Variants in LPIN1 observed in about 807,000 individuals in gnomAD.
LPIN1 encodes the protein lipin 1, also known as phosphatidate phosphatase LPIN1.
A neutral mutation model predicts 107.5 loss-of-function variants in LPIN1; 71 were observed. That is an observed-to-expected ratio of 0.66 (90% CI 0.55 to 0.80). The LOEUF is 0.80. Ranked by LOEUF, LPIN1 falls within the 30% of genes least tolerant of loss-of-function variation. The pLI is 0.00. For missense variants in LPIN1, 1,043 were observed against 1,160.6 expected, an observed-to-expected ratio of 0.90 and a Z score of 1.47; for synonymous variants, 445 against 452.6, an observed-to-expected ratio of 0.98 and a Z score of 0.21.
chr2:11,777,720 G>A (rs751873673), intron 6 of LPIN1, among the ~76,000 whole-genome samples: 1 of 152,192 alleles, frequency 6.6e-6, no homozygotes, highest in Non-Finnish European at 1.5e-5. Context: ...AATGTTTGCC[G>A]ACCCCTGTTC....
chr2:11,677,999 T>C (rs1056727202), intron 1 of LPIN1, among the ~76,000 whole-genome samples: 2 of 152,242 alleles, frequency 1.3e-5, no homozygotes, highest in Non-Finnish European at 2.9e-5. Flanking sequence ...GGAAAATGCA[T>C]AGTGATTGCT....
chr2:11,713,890 T>C (rs1180909385), intron 2 of LPIN1: 9 of 1,032,444 alleles, frequency 8.7e-6, no homozygotes, highest in Admixed American at 2.1e-5. Flanking sequence ...TGTCCAGCTG[T>C]GGTTTGTCGC....
At chr2:11,784,632 AGCTT>A (rs1674177353) in intron 9 of LPIN1, 1 of 565,970 alleles carries the variant, frequency 1.8e-6, no homozygotes, top group South Asian at 2.0e-5. Flanking sequence ...CAGGGAGGAC[AGCTT>A]GCTTCTTCTT....
chr2:11,784,395 C>T (rs568357980), intron 9 of LPIN1: 566 of 1,116,302 alleles, frequency 5.1e-4, no homozygotes, highest in Admixed American at 1.6e-3. Flanking sequence ...CATAAGGGTG[C>T]GGGTACTGGG....
At position 11,760,806 on chromosome 2, in the gene LPIN1, G is replaced by A. The variant is rs1446722625; in HGVS notation, c.-9-4727G>A. 2.6e-5 allele frequency among the ~76,000 whole-genome samples: 4 copies of A among 152,306 alleles called. No individual in the cohort carries two copies. The East Asian group carries it at 7.7e-4, about 29-fold the overall frequency. ...AAAATACCAACAGTAGTTCGTAGAT[G>A]TGCTGGCCTGGGGTTGGGGCCTCAC... On this transcript the variant is annotated intron_variant, in intron 1 of 20. Coordinates refer to ENST00000674199, the MANE Select transcript of LPIN1 (RefSeq NM_001349206.2).
At chr2:11,759,489 C>A (rs867307835) in intron 1 of LPIN1, among the ~76,000 whole-genome samples, 1 of 152,058 alleles carries the variant, frequency 6.6e-6, no homozygotes, top group African/African-American at 2.4e-5. Flanking sequence ...CATGGAGCAC[C>A]GGGTTGGGGG....
intron 1 of LPIN1, among the ~76,000 whole-genome samples, chr2:11,753,004 TTGCGGTCGTGAATGC>T (rs1322322363): frequency 6.6e-6 from 1 of 152,182 alleles, no homozygotes; most frequent in Non-Finnish European, 1.5e-5. Flanking sequence ...CTGTATGAAA[TTGCGGTCGTGAATGC>T]TTTGGAGCGT....
chr2:11,720,073 A>C (rs1664022345), upstream of LPIN1, among the ~76,000 whole-genome samples: 1 of 151,944 alleles, frequency 6.6e-6, no homozygotes, highest in Non-Finnish European at 1.5e-5. Context: ...TTATATATTT[A>C]CTAGCTCTTG....
Position 11,761,795 on chromosome 2 carries a change from C to T in LPIN1, c.-9-3738C>T, listed in dbSNP as rs75810465. ...TTAACTTGAAAGACCAAGGCTTTAT[C>T]CTTGGCCTTAAGAATGTAGCTTATA... On this transcript the variant is annotated intron_variant, in intron 1 of 20. Coordinates refer to ENST00000674199, the MANE Select transcript of LPIN1 (RefSeq NM_001349206.2). Among the ~76,000 whole-genome samples the T allele has an allele frequency of 2.3e-3, 354 of 152,220 alleles. 1 individual carries two copies. Among genetic ancestry groups the T allele is most frequent in the African/African-American group, 8.2e-3 (342 of 41,514 alleles).
chr2:11,793,480 T>C (rs1381895794), intron 13 of LPIN1, among the ~76,000 whole-genome samples: 5 of 152,232 alleles, frequency 3.3e-5, no homozygotes, highest in African/African-American at 7.2e-5. Context: ...AGGGCTCTTA[T>C]AATGAAGGCT....
chr2:11,822,092 G>A (rs1681621695), intron 20 of LPIN1, among the ~76,000 whole-genome samples: 3 of 152,034 alleles, frequency 2.0e-5, no homozygotes, highest in Non-Finnish European at 4.4e-5. Flanking sequence ...CTGTTTTCAT[G>A]CTGTTAATAA....
At chr2:11,746,598 A>C, upstream of LPIN1, 1 of 984,338 alleles carries the variant, frequency 1.0e-6, no homozygotes, top group Non-Finnish European at 1.2e-6. Flanking sequence ...CCGCCCCCGA[A>C]GGCGAGCTGC....
rs1198767653 is a variant in LPIN1 at position 11,703,972 on chromosome 2, C to G, written c.82-9784C>G. On this transcript the variant is annotated intron_variant, in intron 1 of 21. Coordinates refer to the LPIN1 transcript ENST00000449576. ...GCCTGGAAGGGTCAGGATGGCTTCC[C>G]TGACCTGACTGCTGCCTTGGTGGGG... Among the ~76,000 whole-genome samples, 3 of 152,292 alleles carry G rather than the reference C, an allele frequency of 2.0e-5. No individual in the cohort carries two copies. In the East Asian group the frequency reaches 5.8e-4, roughly 29 times the overall value.
rs1401743867 is a variant in LPIN1 at position 11,790,258 on chromosome 2, AATG to A, written c.1714-1653_1714-1651del. 2.6e-5 allele frequency among the ~76,000 whole-genome samples: 4 copies of A among 152,384 alleles called. No homozygotes were observed. In the East Asian group the frequency reaches 7.7e-4, roughly 29 times the overall value. On this transcript the variant is annotated intron_variant, in intron 12 of 20. Coordinates refer to ENST00000674199, the MANE Select transcript of LPIN1 (RefSeq NM_001349206.2). ...CAGAATGACTAAAAGTGGCTTAAGT[AATG>A]ATCTCATATGATGAGGATCTTAGAG...
intron 20 of LPIN1, among the ~76,000 whole-genome samples, chr2:11,822,298 A>T (rs1365568366): frequency 1.3e-5 from 2 of 151,180 alleles, no homozygotes; most frequent in African/African-American, 4.9e-5. Flanking sequence ...AAAAAAAAAA[A>T]AAATTAGCCA....
At chr2:11,750,677 T>C (rs1460600174) in intron 1 of LPIN1, among the ~76,000 whole-genome samples, 2 of 152,214 alleles carry the variant, frequency 1.3e-5, no homozygotes, top group African/African-American at 4.8e-5. Context: ...TTTTATAAAA[T>C]AGATGCGAAA....
intron 15 of LPIN1, 120 bp from the exon 16 acceptor site, chr2:11,804,303 G>A: frequency 9.5e-7 from 1 of 1,049,930 alleles, no homozygotes; most frequent in Admixed American, 1.9e-5. Flanking sequence ...TTATACAAGG[G>A]CCCAGGGCAG....
chr2:11,799,614 T>C (rs1391126171), intron 14 of LPIN1, among the ~76,000 whole-genome samples: 2 of 151,962 alleles, frequency 1.3e-5, no homozygotes, highest in African/African-American at 4.8e-5. Flanking sequence ...TGGAAGGGAC[T>C]TTGGTTGGAT....
At chr2:11,730,699 T>C (rs1173178750) in intron 1 of LPIN1, among the ~76,000 whole-genome samples, 1 of 152,204 alleles carries the variant, frequency 6.6e-6, no homozygotes, top group Admixed American at 6.5e-5. Flanking sequence ...TGAGTTACTC[T>C]AGGTAGAAGT....
Sources: gnomAD v4.1 joint callset for allele counts (sites outside exome capture counted in the v4.1 genomes callset) on GRCh38, gnomAD v4.1.1 for gene constraint, MANE v1.5 for transcripts, NCBI Gene and HGNC (gene_info 2026-07-23, HGNC 2026-07-21) for gene names.